Variants in GALNS observed in about 807,000 individuals in gnomAD.
The protein encoded by GALNS is N-acetylgalactosamine-6-sulfatase.
GALNS carries 65 observed loss-of-function variants against 65.9 expected under a neutral mutation model. The observed-to-expected ratio is 0.99, with a 90% CI of 0.81 to 1.21. GALNS has a LOEUF of 1.21. Among genes scored for constraint, GALNS ranks in the 50% most tolerant of loss-of-function variants. The pLI is 0.00. For missense variants in GALNS, 776 were observed against 700.7 expected (o/e 1.11, Z -1.21); for synonymous variants, 346 against 288.9 (o/e 1.20, Z -2.00).
intron 7 of GALNS, 95 bp from the exon 8 acceptor site, chr16:88,835,447 AAATCAT>A (rs1912022481): frequency 6.7e-7 from 1 of 1,501,606 alleles, no homozygotes; most frequent in African/African-American, 1.4e-5. Context: ...GGAGTTCATT[AAATCAT>A]AACTTCACAG....
At chr16:88,852,345 A>T (rs1003907751) in intron 1 of GALNS, among the ~76,000 whole-genome samples, 11 of 152,230 alleles carry the variant, frequency 7.2e-5, no homozygotes, top group African/African-American at 2.2e-4. Flanking sequence ...CAACATCAAC[A>T]AAAAGGACAT....
At position 88,817,934 on chromosome 16, in the gene GALNS, G is replaced by A. The variant is rs538643746; in HGVS notation, c.1482+73C>T. The A allele has an allele frequency of 9.6e-4, 1,209 of 1,257,848 alleles. 10 individuals are homozygous for A. Among genetic ancestry groups the A allele is most frequent in the South Asian group, 7.6e-3 (600 of 78,462 alleles). 77.9% of individuals were successfully genotyped at this position (1,257,848 alleles called of 1,614,324 possible). A position where few individuals can be genotyped will look rare whatever the true frequency, so the allele number is the denominator to read the frequency against. On this transcript the variant is annotated intron_variant, in intron 13 of 13. Coordinates refer to ENST00000268695, the MANE Select transcript of GALNS (RefSeq NM_000512.5). Reference sequence around the variant, plus strand: ...CCTGCCTCTGCCCTGTGCTGGCCACGGTTCATCCTGGGCCCCGGGTGGGTG... The same window carrying A: ...CCTGCCTCTGCCCTGTGCTGGCCACAGTTCATCCTGGGCCCCGGGTGGGTG...
chr16:88,835,115 T>C (rs919077537), intron 8 of GALNS, 98 bp downstream of exon 8: 7 of 1,477,238 alleles, frequency 4.7e-6, no homozygotes, highest in African/African-American at 1.4e-5. Flanking sequence ...CCCTTCATGC[T>C]CTGCCCACCA....
chr16:88,832,788 C>T (rs896152008), intron 8 of GALNS, among the ~76,000 whole-genome samples: 14 of 152,258 alleles, frequency 9.2e-5, no homozygotes, highest in Admixed American at 2.6e-4. Flanking sequence ...GGGCCGGCTG[C>T]GGTGGCTCAT....
At chr16:88,817,354 C>T (rs1909738068) in intron 13 of GALNS, 1 of 985,452 alleles carries the variant, frequency 1.0e-6, no homozygotes, top group Non-Finnish European at 1.2e-6. Context: ...GGCCGTTTCT[C>T]TACTGGAGGT....
chr16:88,833,275 C>G (rs1007367849), intron 8 of GALNS, among the ~76,000 whole-genome samples: 1 of 152,060 alleles, frequency 6.6e-6, no homozygotes, highest in African/African-American at 2.4e-5. Context: ...ACACCCGCAA[C>G]CCGGCCTGTC....
In GALNS at chr16:88,822,711, C is replaced by T. The variant is rs1597535277; in HGVS notation, c.1243-1G>A. On this transcript the variant is annotated splice_acceptor_variant, in intron 11 of 13. Transcript: ENST00000268695. LOFTEE classifies it high-confidence loss of function. ...TCTGCCCAGGGCAGAAATCAATGCCCTGCAATGAGAAGAGGGAAGGTGTGT... is the reference window on the plus strand; with the variant it reads ...TCTGCCCAGGGCAGAAATCAATGCCTTGCAATGAGAAGAGGGAAGGTGTGT... 1 of 1,612,120 alleles carries T rather than the reference C, an allele frequency of 6.2e-7. No individual in the cohort carries two copies. Among genetic ancestry groups the T allele is most frequent in the African/African-American group, 1.3e-5 (1 of 74,988 alleles).
At chr16:88,832,884 CAA>C (rs1416795139) in intron 8 of GALNS, among the ~76,000 whole-genome samples, 1 of 151,892 alleles carries the variant, frequency 6.6e-6, no homozygotes, top group African/African-American at 2.4e-5. Flanking sequence ...TGGTTTCTAC[CAA>C]AGAGAGACCA....
intron 13 of GALNS, chr16:88,816,447 G>A: frequency 1.0e-6 from 1 of 985,430 alleles, no homozygotes. Flanking sequence ...CAGAGGCGGG[G>A]ACGCCAGCTG....
intron 12 of GALNS, among the ~76,000 whole-genome samples, chr16:88,819,562 G>A (rs1411905729): frequency 6.6e-6 from 1 of 152,200 alleles, no homozygotes; most frequent in Non-Finnish European, 1.5e-5. Context: ...TTTAGAGACA[G>A]GATCTTGCTC....
intron 2 of GALNS, 90 bp from the exon 3 acceptor site, chr16:88,842,061 G>A (rs940604449): frequency 4.3e-6 from 5 of 1,162,132 alleles, no homozygotes; most frequent in Admixed American, 2.0e-5. Flanking sequence ...GTAGACAGAC[G>A]CGTGACAGAC....
chr16:88,852,527 G>A (rs919146088), intron 1 of GALNS, among the ~76,000 whole-genome samples: 1 of 152,244 alleles, frequency 6.6e-6, no homozygotes, highest in East Asian at 1.9e-4. Flanking sequence ...GCTGGACAGA[G>A]AATGACTCTG....
rs1224328483 is a variant in GALNS, at chr16:88,824,802, A to G, written c.1207T>C (p.Trp403Arg). 2 of 1,613,350 alleles carry G rather than the reference A, an allele frequency of 1.2e-6. No homozygotes were observed. Among genetic ancestry groups the G allele is most frequent in the East Asian group, 2.2e-5 (1 of 44,900 alleles). Residue 403 changes from tryptophan (W) to arginine (R), a missense_variant, in exon 11 of 14, where the codon TGG (tryptophan) becomes CGG (arginine). By Grantham distance (101) the Trp-to-Arg change is moderately radical. Coordinates refer to ENST00000268695, the MANE Select transcript of GALNS (RefSeq NM_000512.5). Reference sequence around the variant, plus strand: ...TTCTCCCAGGAGTTGGTCCAGGTCCAGAAGTGAGCCTTGTGCTGCCCGAGG... The same window carrying G: ...TTCTCCCAGGAGTTGGTCCAGGTCCGGAAGTGAGCCTTGTGCTGCCCGAGG... ...ATLGQHKAHFWTWTNSWENFR... is the reference protein window; with the variant it reads ...ATLGQHKAHFRTWTNSWENFR...
intron 8 of GALNS, among the ~76,000 whole-genome samples, chr16:88,834,389 G>A (rs1911856079): frequency 8.1e-6 from 1 of 123,592 alleles, no homozygotes; most frequent in Non-Finnish European, 1.7e-5. Flanking sequence ...AGAGGCTGCA[G>A]GGCCCCCCCG....
intron 1 of GALNS, chr16:88,855,679 T>A (rs967956948): frequency 3.2e-5 from 19 of 595,542 alleles, no homozygotes; most frequent in Non-Finnish European, 5.1e-5. Flanking sequence ...AAGTGAGATA[T>A]TTTACATTAT....
chr16:88,836,746 T>C (rs563523671), intron 5 of GALNS, among the ~76,000 whole-genome samples: 1 of 152,050 alleles, frequency 6.6e-6, no homozygotes, highest in East Asian at 1.9e-4. Flanking sequence ...GGGCACGGTC[T>C]TGCATCTGAT....
Position 88,842,781 on chromosome 16 carries a change from G to A in GALNS, c.169C>T (p.Pro57Ser), listed in dbSNP as rs759564640. Residue 57 changes from proline to serine, a missense_variant, in exon 2 of 14, where the codon CCG (proline) becomes TCG (serine). Physicochemically the swap from Pro to Ser is moderately conservative, Grantham distance 74. Transcript: ENST00000268695. ...TCTGCAGCCATCCGGTCCAAATTCG[G>A]GGTCTCTCTGGAGGGCTCTCCATAC... ...GVYGEPSRET[P>S]NLDRMAAEGL... 6 of 1,613,192 alleles carry A rather than the reference G, an allele frequency of 3.7e-6. No homozygotes were observed. In the Middle Eastern group the frequency reaches 8.2e-4, roughly 221 times the overall value.
chr16:88,822,565 C>T (rs538971843), intron 12 of GALNS, 24 bp downstream of exon 12: 9 of 1,611,942 alleles, frequency 5.6e-6, no homozygotes, highest in Admixed American at 3.3e-5. Context: ...GCCTCAGCAG[C>T]CAGGAGGCCC....
chr16:88,826,774 G>A lies in GALNS; in HGVS notation c.1067C>T (p.Thr356Met), dbSNP rs1017572961. 2.2e-5 allele frequency: 35 copies of A among 1,607,280 alleles called. No homozygotes were observed. Among genetic ancestry groups the A allele is most frequent in the Non-Finnish European group, 2.5e-5 (29 of 1,177,512 alleles). The change falls in exon 10 of 14, where the codon ACG becomes ATG. Residue 356 changes from threonine to methionine, a missense_variant. Coordinates refer to ENST00000268695, the MANE Select transcript of GALNS (RefSeq NM_000512.5). ...FTTSLALAGL[T>M]PPSDRAIDGL... ...ATCAATGGCCCTGTCGCTGGGCGGCGTCAGGCCCGCAAGGGCCAGGCTGGT... is the reference window on the plus strand; with the variant it reads ...ATCAATGGCCCTGTCGCTGGGCGGCATCAGGCCCGCAAGGGCCAGGCTGGT...
Sources: allele counts gnomAD v4.1 joint callset (sites outside exome capture counted in the v4.1 genomes callset), GRCh38; gene constraint gnomAD v4.1.1; transcripts MANE v1.5; gene names NCBI Gene and HGNC (gene_info 2026-07-23, HGNC 2026-07-21).